DCAF8L2: variants seen among roughly 807,000 people sequenced by gnomAD.
DCAF8L2 encodes the protein DDB1 and CUL4 associated factor 8 like 2.
For missense variants in DCAF8L2, 430 were observed against 490.7 expected, an observed-to-expected ratio of 0.88 and a Z score of 1.17; for synonymous variants, 200 against 190.9, an observed-to-expected ratio of 1.05 and a Z score of -0.39.
the DCAF8L2 span, among the ~76,000 whole-genome samples, chrX:27,561,767 T>G: frequency 8.9e-6 from 1 of 111,994 alleles, no homozygotes; most frequent in East Asian, 2.8e-4. Flanking sequence ...ATTTTTATTT[T>G]TGAATAATAT....
chrX:27,481,790 T>A, the DCAF8L2 span, among the ~76,000 whole-genome samples: 1 of 112,144 alleles, frequency 8.9e-6, no homozygotes, highest in Non-Finnish European at 1.9e-5. Flanking sequence ...ATTTTGGATC[T>A]ATTGAATTTG....
chrX:27,600,145 G>T (rs1926574209), intron 1 of DCAF8L2, among the ~76,000 whole-genome samples: 1 of 111,882 alleles, frequency 8.9e-6, no homozygotes, highest in African/African-American at 3.2e-5. Flanking sequence ...TAGGTCAGTG[G>T]TTACAGACTG....
chrX:27,691,611 G>C (rs769140493), intron 3 of DCAF8L2, among the ~76,000 whole-genome samples: 25 of 111,670 alleles, frequency 2.2e-4, no homozygotes, highest in Non-Finnish European at 4.5e-4. Flanking sequence ...AAGATATTGA[G>C]TGATGGAATA....
the DCAF8L2 span, among the ~76,000 whole-genome samples, chrX:27,534,977 G>A: frequency 9.0e-6 from 1 of 111,320 alleles, no homozygotes; most frequent in Non-Finnish European, 1.9e-5. Context: ...TATACTTATT[G>A]ATTACATCAG....
chrX:27,533,455 A>C, the DCAF8L2 span, among the ~76,000 whole-genome samples: 1 of 111,088 alleles, frequency 9.0e-6, no homozygotes, highest in Non-Finnish European at 1.9e-5. Flanking sequence ...ATTAGTAAAA[A>C]TGGGGAAATG....
upstream of DCAF8L2, among the ~76,000 whole-genome samples, chrX:27,588,453 A>G (rs1021088080): frequency 1.8e-5 from 2 of 111,356 alleles, no homozygotes; most frequent in Non-Finnish European, 3.8e-5. Flanking sequence ...TGCAATGAAC[A>G]TAGGGTGCAG....
At chrX:27,535,972 A>G in the DCAF8L2 span, among the ~76,000 whole-genome samples, 3 of 111,622 alleles carry the variant, frequency 2.7e-5, no homozygotes, top group Admixed American at 9.6e-5. Context: ...TTACTGGGAA[A>G]AATTTGCATT....
chrX:27,521,139 T>G, the DCAF8L2 span, among the ~76,000 whole-genome samples: 1 of 112,217 alleles, frequency 8.9e-6, no homozygotes. Flanking sequence ...TAATACAAAT[T>G]AAATACATTT....
At chrX:27,606,832 A>C (rs1926930237) in intron 1 of DCAF8L2, among the ~76,000 whole-genome samples, 1 of 111,151 alleles carries the variant, frequency 9.0e-6, no homozygotes. Context: ...AAATTTAAAA[A>C]TTTCCTCTGA....
chrX:27,536,987 C>T, the DCAF8L2 span, among the ~76,000 whole-genome samples: 1 of 112,429 alleles, frequency 8.9e-6, no homozygotes, highest in African/African-American at 3.2e-5. Flanking sequence ...CTCGTACCCT[C>T]TCCCAAAATA....
chrX:27,585,650 A>G (rs1287033519), upstream of DCAF8L2, among the ~76,000 whole-genome samples: 1 of 112,133 alleles, frequency 8.9e-6, no homozygotes, highest in Non-Finnish European at 1.9e-5. Flanking sequence ...GAAACTCAAC[A>G]TGAGCAATAC....
intron 1 of DCAF8L2, among the ~76,000 whole-genome samples, chrX:27,622,414 G>A (rs1347057645): frequency 9.2e-6 from 1 of 108,729 alleles, no homozygotes; most frequent in East Asian, 2.9e-4. Context: ...GACTGAGCGA[G>A]ACTCCATCTA....
intron 2 of DCAF8L2, among the ~76,000 whole-genome samples, chrX:27,667,140 TG>T (rs749298700): frequency 1.9e-3 from 182 of 96,164 alleles, no homozygotes; most frequent in African/African-American, 6.7e-3. Context: ...AGGGGTGGGG[TG>T]GGGGGCGGTG....
At chrX:27,678,834 T>G (rs778106497) in intron 3 of DCAF8L2, among the ~76,000 whole-genome samples, 1 of 111,747 alleles carries the variant, frequency 8.9e-6, no homozygotes, top group East Asian at 2.8e-4. Flanking sequence ...AATGGTAAAT[T>G]TTATATTATA....
chrX:27,517,169 C>T, the DCAF8L2 span, among the ~76,000 whole-genome samples: 1 of 111,898 alleles, frequency 8.9e-6, no homozygotes, highest in Non-Finnish European at 1.9e-5. Flanking sequence ...ACCAGCTGTA[C>T]ATACATTATT....
chrX:27,607,636 G>A (rs1227267843), intron 1 of DCAF8L2, among the ~76,000 whole-genome samples: 1 of 111,730 alleles, frequency 9.0e-6, no homozygotes, highest in Non-Finnish European at 1.9e-5. Flanking sequence ...CACTCTTGCT[G>A]CACGCAAACC....
the DCAF8L2 span, among the ~76,000 whole-genome samples, chrX:27,560,624 C>T: frequency 8.9e-6 from 1 of 111,973 alleles, no homozygotes; most frequent in African/African-American, 3.2e-5. Flanking sequence ...CATGTTTTTT[C>T]TGGGTTTACT....
At chrX:27,571,995 C>T in the DCAF8L2 span, among the ~76,000 whole-genome samples, 1 of 111,820 alleles carries the variant, frequency 8.9e-6, no homozygotes, top group African/African-American at 3.2e-5. Context: ...CTCACCAAGC[C>T]CTGCCCAATT....
At chrX:27,599,595 G>T (rs896685844) in intron 1 of DCAF8L2, among the ~76,000 whole-genome samples, 2 of 111,193 alleles carry the variant, frequency 1.8e-5, no homozygotes, top group Non-Finnish European at 3.8e-5. Flanking sequence ...AATTTTGGGA[G>T]GTGATGGAGA....
Sources: allele counts gnomAD v4.1 joint callset (sites outside exome capture counted in the v4.1 genomes callset), GRCh38; gene constraint gnomAD v4.1.1; transcripts MANE v1.5; gene names NCBI Gene and HGNC (gene_info 2026-07-23, HGNC 2026-07-21).